RFX3: variants seen among roughly 807,000 people sequenced by gnomAD.
RFX3 encodes the protein regulatory factor X3.
Under a neutral mutation model 98.6 loss-of-function variants are expected in RFX3, and 14 were observed. The ratio of observed to expected loss-of-function variants is 0.14; its 90% CI spans 0.09 to 0.22. The LOEUF (loss-of-function observed/expected upper bound fraction) is 0.22, where lower values mean the gene tolerates loss of function less well. Among genes scored for constraint, RFX3 ranks in the 10% least tolerant of loss-of-function variants. The pLI is 1.00. For missense variants in RFX3, 639 were observed against 926.9 expected, an observed-to-expected ratio of 0.69 and a Z score of 4.03; for synonymous variants, 383 against 328.4, an observed-to-expected ratio of 1.17 and a Z score of -1.80.
At chr9:3,291,390 A>C (rs113344480) in intron 6 of RFX3, among the ~76,000 whole-genome samples, 45 of 139,938 alleles carry the variant, frequency 3.2e-4, no homozygotes, top group African/African-American at 1.0e-3. Context: ...AAACAAAAAC[A>C]AAAACAAAAC....
rs181172064 is a variant in RFX3, at chr9:3,480,211, T to C, written c.-9+45536A>G. 5.3e-4 allele frequency among the ~76,000 whole-genome samples: 81 copies of C among 152,326 alleles called. No individual in the cohort carries two copies. The East Asian group carries it at 0.015, about 28-fold the overall frequency. ...TCATCTTGCTGGTGGTCATTCATAC[T>C]ACTGCTTTCAGCCAGCAGGTGAGAA... is the stretch of plus-strand genomic sequence containing the variant. On this transcript the variant is annotated intron_variant, in intron 1 of 16. Transcript: ENST00000617270.
At chr9:3,361,023 CA>C (rs1836362911) in intron 2 of RFX3, among the ~76,000 whole-genome samples, 1 of 152,208 alleles carries the variant, frequency 6.6e-6, no homozygotes, top group Admixed American at 6.5e-5. Context: ...TGGCACCAAA[CA>C]TTTCAAACCT....
At chr9:3,253,376 C>A (rs1185258155) in intron 14 of RFX3, among the ~76,000 whole-genome samples, 1 of 152,182 alleles carries the variant, frequency 6.6e-6, no homozygotes, top group Non-Finnish European at 1.5e-5. Context: ...AAACTAGGCA[C>A]CCTGTGCCTA....
chr9:3,238,211 T>A (rs1210477632), intron 15 of RFX3, among the ~76,000 whole-genome samples: 3 of 152,136 alleles, frequency 2.0e-5, no homozygotes, highest in African/African-American at 4.8e-5. Context: ...GATTTTAAAA[T>A]GAAATAAATG....
At chr9:3,287,289 A>T (rs990148984) in intron 7 of RFX3, among the ~76,000 whole-genome samples, 1 of 151,960 alleles carries the variant, frequency 6.6e-6, no homozygotes, top group East Asian at 1.9e-4. Flanking sequence ...ACCTATGCAG[A>T]GGCCTCCTTT....
intron 1 of RFX3, among the ~76,000 whole-genome samples, chr9:3,517,724 A>C (rs1184311416): frequency 6.6e-6 from 1 of 152,246 alleles, no homozygotes; most frequent in South Asian, 2.1e-4. Flanking sequence ...GCCAGTACAT[A>C]GCCAGGACTA....
chr9:3,282,002 A>T (rs1295490930), intron 7 of RFX3, among the ~76,000 whole-genome samples: 1 of 151,820 alleles, frequency 6.6e-6, no homozygotes, highest in Non-Finnish European at 1.5e-5. Flanking sequence ...TAAACTGTAT[A>T]GGCAAAAGGA....
chr9:3,308,098 C>A (rs1829539958), intron 4 of RFX3, among the ~76,000 whole-genome samples: 1 of 152,080 alleles, frequency 6.6e-6, no homozygotes. Context: ...ATTCTCTGAA[C>A]TAAGATACAC....
At chr9:3,275,749 A>G (rs1825122871) in intron 8 of RFX3, 137 bp from the exon 9 acceptor site, 1 of 531,792 alleles carries the variant, frequency 1.9e-6, no homozygotes, top group Non-Finnish European at 3.4e-6. Context: ...GACATTTTAT[A>G]TTAATATTTT....
At chr9:3,472,973 G>A (rs1304913832) in intron 1 of RFX3, among the ~76,000 whole-genome samples, 5 of 152,176 alleles carry the variant, frequency 3.3e-5, no homozygotes, top group Admixed American at 3.3e-4. Context: ...CCTTTTGTGA[G>A]ATTAGCAATG....
At chr9:3,280,958 A>C (rs1165501443) in intron 7 of RFX3, among the ~76,000 whole-genome samples, 4 of 151,790 alleles carry the variant, frequency 2.6e-5, no homozygotes, top group African/African-American at 9.7e-5. Context: ...AATAAACTAT[A>C]TTTGGAATGT....
chr9:3,467,202 T>TATAC, intron 1 of RFX3, among the ~76,000 whole-genome samples: 1 of 144,002 alleles, frequency 6.9e-6, no homozygotes, highest in African/African-American at 2.6e-5. Context: ...ATATAATGTA[T>TATAC]GTGTATATAC....
In RFX3 at chr9:3,329,407, C is replaced by CAAAAAAAAAAAAAAAAA. The variant is rs1202028884; in HGVS notation, c.474+835_474+851dup. ...TGGGCCACAGAGTAAGACTTCATCTCAAAAAAAAAAAAAAAAAAAAACAAA... is the reference window on the plus strand; with the variant it reads ...TGGGCCACAGAGTAAGACTTCATCTCAAAAAAAAAAAAAAAAAAAAAAAAAAAAAAAAAAAAAACAAA... On this transcript the variant is annotated intron_variant, in intron 4 of 16. Transcript: ENST00000617270. Among the ~76,000 whole-genome samples the CAAAAAAAAAAAAAAAAA allele has an allele frequency of 9.4e-4, 36 of 38,128 alleles. 1 individual carries two copies. Among genetic ancestry groups the CAAAAAAAAAAAAAAAAA allele is most frequent in the Non-Finnish European group, 1.3e-3 (28 of 21,186 alleles). 25.0% of individuals were successfully genotyped at this position (38,128 alleles called of 152,430 possible).
intron 15 of RFX3, among the ~76,000 whole-genome samples, chr9:3,236,408 G>T (rs1320707049): frequency 6.6e-6 from 1 of 152,172 alleles, no homozygotes; most frequent in Admixed American, 6.5e-5. Flanking sequence ...GAGGGACAGA[G>T]CAGTCCTAAG....
At chr9:3,352,931 A>C (rs1240667571) in intron 2 of RFX3, among the ~76,000 whole-genome samples, 1 of 152,098 alleles carries the variant, frequency 6.6e-6, no homozygotes, top group Non-Finnish European at 1.5e-5. Context: ...ACAATAGCAA[A>C]GACTTGGAAC....
In RFX3 at chr9:3,472,720, T is replaced by C. The variant is rs145921908; in HGVS notation, c.-9+53027A>G. 8.0e-4 allele frequency among the ~76,000 whole-genome samples: 122 copies of C among 152,308 alleles called. 1 individual carries two copies. Among genetic ancestry groups the C allele is most frequent in the Admixed American group, 2.1e-3 (32 of 15,298 alleles). On this transcript the variant is annotated intron_variant, in intron 1 of 16. Transcript: ENST00000617270. The stretch of plus-strand genomic sequence containing the variant: ...AACCATTATTTTGTCAGTGAAATGA[T>C]TGAGTTACTGTGTCAGTGAAGAATG...
intron 4 of RFX3, among the ~76,000 whole-genome samples, chr9:3,318,313 A>G (rs1340272802): frequency 2.0e-5 from 3 of 152,128 alleles, no homozygotes; most frequent in Admixed American, 6.5e-5. Context: ...ATAGGTGGGA[A>G]CTGAACAATG....
intron 15 of RFX3, among the ~76,000 whole-genome samples, chr9:3,241,091 C>T (rs1332024056): frequency 6.6e-6 from 1 of 152,232 alleles, no homozygotes; most frequent in South Asian, 2.1e-4. Flanking sequence ...GGTTTATTTC[C>T]CCACTTCTAA....
chr9:3,473,828 T>A (rs572115284), intron 1 of RFX3, among the ~76,000 whole-genome samples: 56 of 152,204 alleles, frequency 3.7e-4, no homozygotes, highest in African/African-American at 1.3e-3. Flanking sequence ...AAAAACTAAG[T>A]CAAACGCATT....
Sources: allele counts gnomAD v4.1 joint callset (sites outside exome capture counted in the v4.1 genomes callset), GRCh38; gene constraint gnomAD v4.1.1; transcripts MANE v1.5; gene names NCBI Gene and HGNC (gene_info 2026-07-23, HGNC 2026-07-21).